Variants in PDE1A observed in about 807,000 individuals in gnomAD.
The protein encoded by PDE1A is phosphodiesterase 1A.
PDE1A carries 35 observed loss-of-function variants against 61.7 expected under a neutral mutation model. The observed-to-expected ratio is 0.57, with a 90% CI of 0.43 to 0.75. The LOEUF (loss-of-function observed/expected upper bound fraction) is 0.75. Ranked by LOEUF, PDE1A falls within the 30% of genes least tolerant of loss-of-function variation. The pLI is 0.00. For synonymous variants in PDE1A, 232 were observed against 213.2 expected (o/e 1.09, Z -0.77); for missense variants, 597 against 630.6 (o/e 0.95, Z 0.57).
chr2:182,528,333 C>G, the PDE1A span, among the ~76,000 whole-genome samples: 1 of 152,148 alleles, frequency 6.6e-6, no homozygotes, highest in African/African-American at 2.4e-5. Flanking sequence ...ACTGGTGGCA[C>G]TTTGCCCCTG....
chr2:182,595,244 T>C, the PDE1A span, among the ~76,000 whole-genome samples: 1 of 152,204 alleles, frequency 6.6e-6, no homozygotes, highest in South Asian at 2.1e-4. Context: ...ATATTTCTTA[T>C]GCAAATTTTA....
chr2:182,421,851 A>T (rs1703296366), intron 1 of PDE1A, among the ~76,000 whole-genome samples: 1 of 152,204 alleles, frequency 6.6e-6, no homozygotes, highest in South Asian at 2.1e-4. Flanking sequence ...AGCAATAGGT[A>T]TTAACCATAC....
chr2:182,348,454 A>C (rs776010629), intron 1 of PDE1A, among the ~76,000 whole-genome samples: 2 of 152,140 alleles, frequency 1.3e-5, no homozygotes, highest in Non-Finnish European at 2.9e-5. Context: ...ATCAGCCCAC[A>C]TCACCTAACA....
At chr2:182,651,333 G>A in the PDE1A span, among the ~76,000 whole-genome samples, 14 of 152,108 alleles carry the variant, frequency 9.2e-5, no homozygotes, top group Non-Finnish European at 2.1e-4. Flanking sequence ...AAATTAGGGG[G>A]GTAGATAATT....
intron 2 of PDE1A, among the ~76,000 whole-genome samples, chr2:182,242,926 C>CGTGTGTGTGTGTGTGT (rs10529301): frequency 3.8e-4 from 12 of 31,810 alleles, no homozygotes; most frequent in Admixed American, 8.3e-4. Flanking sequence ...CTCTCTCTCT[C>CGTGTGTGTGTGTGTGT]GTGTGTGTAT....
chr2:182,577,931 C>T, the PDE1A span, among the ~76,000 whole-genome samples: 2 of 82,226 alleles, frequency 2.4e-5, no homozygotes, highest in Admixed American at 1.3e-4. Context: ...AGAAAGAAAA[C>T]GGAAGGAAGG....
At chr2:182,631,094 T>C in the PDE1A span, among the ~76,000 whole-genome samples, 1 of 152,038 alleles carries the variant, frequency 6.6e-6, no homozygotes, top group Non-Finnish European at 1.5e-5. Flanking sequence ...TCCTACAATC[T>C]GCTGTCTGCA....
the PDE1A span, among the ~76,000 whole-genome samples, chr2:182,626,352 A>G: frequency 6.6e-6 from 1 of 152,156 alleles, no homozygotes; most frequent in Non-Finnish European, 1.5e-5. Flanking sequence ...AAACTTTAAA[A>G]TCCACAAAGT....
At chr2:182,250,556 G>A (rs1691320065) in intron 2 of PDE1A, among the ~76,000 whole-genome samples, 1 of 151,264 alleles carries the variant, frequency 6.6e-6, no homozygotes, top group African/African-American at 2.5e-5. Flanking sequence ...TATCTCAATA[G>A]CTTTTTTTTA....
the PDE1A span, among the ~76,000 whole-genome samples, chr2:182,702,958 T>C: frequency 2.6e-5 from 4 of 152,208 alleles, no homozygotes; most frequent in East Asian, 5.8e-4. Context: ...TCACACAAAG[T>C]ACTTTCTGAA....
chr2:182,153,317 A>G (rs6720942), intron 13 of PDE1A, among the ~76,000 whole-genome samples: 3,538 of 152,232 alleles, frequency 0.023, 130 homozygotes, highest in African/African-American at 0.079. Context: ...GCACACAGGT[A>G]GGAGTATGCT....
intron 2 of PDE1A, among the ~76,000 whole-genome samples, chr2:182,488,304 T>C (rs1212800337): frequency 6.6e-6 from 1 of 152,164 alleles, no homozygotes; most frequent in Admixed American, 6.5e-5. Context: ...TTTTTCCCTA[T>C]GTCAAAATTT....
the PDE1A span, among the ~76,000 whole-genome samples, chr2:182,625,395 T>C: frequency 1.3e-5 from 2 of 152,138 alleles, no homozygotes; most frequent in Admixed American, 6.5e-5. Flanking sequence ...ATTGGAGAAA[T>C]AGGTAGTTAG....
chr2:182,716,694 T>G, the PDE1A span, among the ~76,000 whole-genome samples: 1 of 152,318 alleles, frequency 6.6e-6, no homozygotes, highest in South Asian at 2.1e-4. Flanking sequence ...TACTTACACT[T>G]TCTCCCTAAG....
intron 1 of PDE1A, among the ~76,000 whole-genome samples, chr2:182,341,144 C>G (rs1401186185): frequency 6.6e-6 from 1 of 152,160 alleles, no homozygotes; most frequent in African/African-American, 2.4e-5. Flanking sequence ...TCAACACTTT[C>G]AATCCCAATT....
rs558432638 is a variant in PDE1A, at chr2:182,189,179, T to A, written c.1126-119A>T. On this transcript the variant is annotated intron_variant, in intron 10 of 13. Coordinates refer to ENST00000351439, the Ensembl canonical transcript of PDE1A. ...TCATTTCTTAATTAGCAATACTTTT[T>A]TCTTATTTATAAAACCAAAAGCTAT... 1.5e-5 allele frequency: 9 copies of A among 582,214 alleles called. No individual in the cohort carries two copies. In the Admixed American group the frequency reaches 1.7e-4, roughly 11 times the overall value. The allele number at this position is 582,214 out of a possible 1,614,324, so 36.1% of individuals were successfully genotyped here.
the PDE1A span, among the ~76,000 whole-genome samples, chr2:182,660,832 C>T: frequency 3.3e-5 from 5 of 152,220 alleles, no homozygotes; most frequent in Non-Finnish European, 5.9e-5. Context: ...ACTGGGATTG[C>T]GGCCCTTAAG....
At chr2:182,482,204 G>T (rs1241161976) in intron 2 of PDE1A, among the ~76,000 whole-genome samples, 2 of 152,004 alleles carry the variant, frequency 1.3e-5, no homozygotes, top group East Asian at 3.9e-4. Context: ...GAAGTAAAAA[G>T]TAGAGATTTA....
At chr2:182,426,866 G>A in exon 1 of PDE1A, 2 of 1,310,606 alleles carry the variant, frequency 1.5e-6, no homozygotes, top group African/African-American at 1.5e-5. Flanking sequence ...AGCAGGGTGT[G>A]CAAAAACCAC....
Sources: gnomAD v4.1 joint callset for allele counts (sites outside exome capture counted in the v4.1 genomes callset) on GRCh38, gnomAD v4.1.1 for gene constraint, MANE v1.5 for transcripts, NCBI Gene and HGNC (gene_info 2026-07-23, HGNC 2026-07-21) for gene names.